ANKRD13C: variants seen among roughly 807,000 people sequenced by gnomAD.
The protein encoded by ANKRD13C is ankyrin repeat domain 13C.
In ANKRD13C, 16 loss-of-function variants were observed where a neutral mutation model predicts 65.5. The ratio of observed to expected loss-of-function variants is 0.24; its 90% CI spans 0.17 to 0.37. The LOEUF (loss-of-function observed/expected upper bound fraction) is 0.37, where lower values mean the gene tolerates loss of function less well. Ranked by LOEUF, ANKRD13C falls within the 10% of genes least tolerant of loss-of-function variation. The pLI is 1.00. For missense variants in ANKRD13C, 503 were observed against 655.9 expected (o/e 0.77, Z 2.55); for synonymous variants, 235 against 238.7 (o/e 0.98, Z 0.14).
intron 7 of ANKRD13C, among the ~76,000 whole-genome samples, chr1:70,297,056 G>A (rs916835284): frequency 6.6e-6 from 1 of 152,052 alleles, no homozygotes; most frequent in Non-Finnish European, 1.5e-5. Flanking sequence ...GCAGGTATAA[G>A]ATGAGATTCT....
intron 9 of ANKRD13C, among the ~76,000 whole-genome samples, chr1:70,282,541 A>T (rs1679443128): frequency 6.6e-6 from 1 of 152,184 alleles, no homozygotes; most frequent in Non-Finnish European, 1.5e-5. Flanking sequence ...GATTTCTTAT[A>T]AGCAGCCAAA....
chr1:70,335,049 T>C (rs540702693), intron 2 of ANKRD13C, among the ~76,000 whole-genome samples: 2 of 152,196 alleles, frequency 1.3e-5, no homozygotes, highest in African/African-American at 2.4e-5. Flanking sequence ...TTCTAGATCA[T>C]TGAAAAAAAA....
At chr1:70,339,720 T>C (rs1682217707) in intron 1 of ANKRD13C, among the ~76,000 whole-genome samples, 1 of 151,948 alleles carries the variant, frequency 6.6e-6, no homozygotes, top group Non-Finnish European at 1.5e-5. Context: ...TATCCGCTAA[T>C]GATATACGAT....
chr1:70,311,463 A>C (rs1347943570), intron 5 of ANKRD13C, among the ~76,000 whole-genome samples: 1 of 152,162 alleles, frequency 6.6e-6, no homozygotes, highest in Non-Finnish European at 1.5e-5. Context: ...TGATAGAGTG[A>C]GACTCCCTCT....
At chr1:70,310,368 T>C (rs1375696510) in intron 5 of ANKRD13C, among the ~76,000 whole-genome samples, 7 of 152,244 alleles carry the variant, frequency 4.6e-5, no homozygotes, top group Non-Finnish European at 7.3e-5. Flanking sequence ...CTAGGCTATC[T>C]ATAAGCCAAT....
chr1:70,260,490 T>C lies in ANKRD13C; in HGVS notation c.*2227A>G, dbSNP rs1341387498. 4 of 152,282 alleles carry C rather than the reference T, an allele frequency of 2.6e-5. No individual in the cohort carries two copies. The East Asian group carries it at 7.7e-4, about 29-fold the overall frequency. The allele number at this position is 152,282 out of a possible 1,614,324, so 9.4% of individuals were successfully genotyped here. A position where few individuals can be genotyped will look rare whatever the true frequency, so the allele number is the denominator to read the frequency against. ...CATTGCAAAATCTTGATTTTTCATG[T>C]GGTATTATGAAAACATATGGTGTTT... On this transcript the variant is annotated 3_prime_UTR_variant, in exon 13 of 13. Transcript: ENST00000370944.
In ANKRD13C at chr1:70,354,689, C is replaced by G. The variant is rs1682923925; in HGVS notation, c.-281G>C. On this transcript the variant is annotated 5_prime_UTR_variant, in exon 1 of 13. Coordinates refer to ENST00000370944, the MANE Select transcript of ANKRD13C (RefSeq NM_030816.5). ...CGCAGCCGCCGTCGCTGCCTTACAC[C>G]GAAAAACAGGGCACGGCCATCTTCC... The G allele has an allele frequency of 7.7e-6, 6 of 778,290 alleles. No homozygotes were observed. Among genetic ancestry groups the G allele is most frequent in the Non-Finnish European group, 1.2e-5 (6 of 502,040 alleles). 48.2% of individuals were successfully genotyped at this position (778,290 alleles called of 1,614,324 possible).
At position 70,349,050 on chromosome 1, in the gene ANKRD13C, A is replaced by G. The variant is rs1032903014; in HGVS notation, c.430+4929T>C. Among the ~76,000 whole-genome samples, 4 of 152,222 alleles carry G rather than the reference A, an allele frequency of 2.6e-5. No individual in the cohort carries two copies. In the East Asian group the frequency reaches 7.7e-4, roughly 29 times the overall value. On this transcript the variant is annotated intron_variant, in intron 1 of 12. Coordinates refer to ENST00000370944, the MANE Select transcript of ANKRD13C (RefSeq NM_030816.5). ...CTTAAAGACATTTAACTCAAAGGAA[A>G]AAACAAAATTACAAGTCTAACCAAT... is the stretch of plus-strand genomic sequence containing the variant.
intron 9 of ANKRD13C, among the ~76,000 whole-genome samples, chr1:70,291,184 C>T (rs1679852018): frequency 6.6e-6 from 1 of 152,060 alleles, no homozygotes; most frequent in South Asian, 2.1e-4. Flanking sequence ...GCATGTGTCA[C>T]CATGCCCAGC....
chr1:70,309,727 A>AT (rs1215303170), intron 5 of ANKRD13C, among the ~76,000 whole-genome samples: 17 of 142,066 alleles, frequency 1.2e-4, no homozygotes, highest in South Asian at 4.9e-4. Flanking sequence ...AAAAAAAAAA[A>AT]AAAAAAATAA....
intron 4 of ANKRD13C, 47 bp from the exon 5 acceptor site, chr1:70,313,837 G>C: frequency 7.2e-7 from 1 of 1,392,224 alleles, no homozygotes; most frequent in Non-Finnish European, 1.0e-6. Context: ...TTAGTTAAAA[G>C]TTCTTATGCT....
intron 2 of ANKRD13C, among the ~76,000 whole-genome samples, chr1:70,333,978 A>C (rs140419957): frequency 3.9e-5 from 6 of 152,314 alleles, no homozygotes; most frequent in African/African-American, 1.2e-4. Context: ...AAAAAAAGCC[A>C]TAACTATAAC....
intron 9 of ANKRD13C, among the ~76,000 whole-genome samples, chr1:70,278,042 A>C (rs1193593887): frequency 6.6e-6 from 1 of 151,372 alleles, no homozygotes; most frequent in Admixed American, 6.6e-5. Context: ...AAAAAAAATT[A>C]GCTGAGTGTG....
Position 70,354,721 on chromosome 1 carries a change from T to C in ANKRD13C, c.-313A>G, listed in dbSNP as rs1370083372. On this transcript the variant is annotated 5_prime_UTR_variant, in exon 1 of 13. Coordinates refer to ENST00000370944, the MANE Select transcript of ANKRD13C (RefSeq NM_030816.5). ...CAGGGCACGGCCATCTTCCTCTTGC[T>C]CCTCTCGCGAGAGCTCCCCCAGGAG... is the stretch of plus-strand genomic sequence containing the variant. The C allele has an allele frequency of 4.0e-5, 29 of 730,730 alleles. No individual in the cohort carries two copies. The highest frequency in any genetic ancestry group is 5.5e-5 in the Non-Finnish European group (25 of 456,998). 45.3% of individuals were successfully genotyped at this position (730,730 alleles called of 1,614,324 possible). A position where few individuals can be genotyped will look rare whatever the true frequency, so the allele number is the denominator to read the frequency against.
intron 12 of ANKRD13C, among the ~76,000 whole-genome samples, chr1:70,270,160 T>C (rs560909054): frequency 6.6e-6 from 1 of 152,340 alleles, no homozygotes; most frequent in South Asian, 2.1e-4. Flanking sequence ...AGTAACTGCT[T>C]ACTCCAGAAA....
chr1:70,316,488 G>A (rs1681078915), intron 3 of ANKRD13C, among the ~76,000 whole-genome samples: 1 of 150,538 alleles, frequency 6.6e-6, no homozygotes, highest in Non-Finnish European at 1.5e-5. Context: ...TTCGAGACCA[G>A]CCTGGGAAAC....
chr1:70,346,663 A>G (rs2101630095), intron 1 of ANKRD13C, among the ~76,000 whole-genome samples: 1 of 152,256 alleles, frequency 6.6e-6, no homozygotes, highest in Middle Eastern at 3.4e-3. Context: ...TACACACACC[A>G]TATCATCTGA....
chr1:70,306,191 T>C, intron 6 of ANKRD13C, 33 bp downstream of exon 6: 3 of 1,465,826 alleles, frequency 2.0e-6, no homozygotes, highest in Non-Finnish European at 2.8e-6. Context: ...ATCTCAACTT[T>C]CTTTTACTGA....
chr1:70,342,757 CACACACACACACACAA>C (rs1682370482), intron 1 of ANKRD13C, among the ~76,000 whole-genome samples: 1 of 138,344 alleles, frequency 7.2e-6, no homozygotes, highest in Non-Finnish European at 1.6e-5. Flanking sequence ...CACACACACA[CACACACACACACACAA>C]AATAACACTT....
Sources: gnomAD v4.1 joint callset for allele counts (sites outside exome capture counted in the v4.1 genomes callset) on GRCh38, gnomAD v4.1.1 for gene constraint, MANE v1.5 for transcripts, NCBI Gene and HGNC (gene_info 2026-07-23, HGNC 2026-07-21) for gene names.